Variants in SND1 observed in about 807,000 individuals in gnomAD.
SND1 encodes staphylococcal nuclease and tudor domain containing 1, also known as staphylococcal nuclease domain-containing protein 1.
A neutral mutation model predicts 121.7 loss-of-function variants in SND1; 38 were observed. The ratio of observed to expected loss-of-function variants is 0.31; its 90% CI spans 0.24 to 0.41. The LOEUF (loss-of-function observed/expected upper bound fraction) is 0.41. SND1 is among the 10% of genes least tolerant of loss of function. The pLI is 1.00. For synonymous variants in SND1, 401 were observed against 447.4 expected, an observed-to-expected ratio of 0.90 and a Z score of 1.31; for missense variants, 868 against 1,184.6, an observed-to-expected ratio of 0.73 and a Z score of 3.92.
At chr7:127,684,517 C>T (rs1040588977) in intron 1 of SND1, among the ~76,000 whole-genome samples, 1 of 152,174 alleles carries the variant, frequency 6.6e-6, no homozygotes, top group Non-Finnish European at 1.5e-5. Flanking sequence ...AGTCAGGAAG[C>T]TCTCCTTTTC....
intron 10 of SND1, among the ~76,000 whole-genome samples, chr7:127,802,531 TG>T (rs1385951078): frequency 6.6e-6 from 1 of 152,214 alleles, no homozygotes; most frequent in Non-Finnish European, 1.5e-5. Flanking sequence ...TTTCTTTTCT[TG>T]GTTTCCAGAA....
chr7:127,971,022 C>T (rs764479175), intron 15 of SND1, among the ~76,000 whole-genome samples: 3 of 152,142 alleles, frequency 2.0e-5, no homozygotes, highest in Admixed American at 1.3e-4. Context: ...ATCACCTGAT[C>T]GTCTTTACAG....
intron 11 of SND1, among the ~76,000 whole-genome samples, chr7:127,835,100 A>G (rs1352807837): frequency 6.6e-6 from 1 of 152,060 alleles, no homozygotes; most frequent in Non-Finnish European, 1.5e-5. Flanking sequence ...CAAAATCTTT[A>G]TAGACAGAGC....
At chr7:128,039,037 A>G (rs994271031) in intron 16 of SND1, among the ~76,000 whole-genome samples, 2 of 152,084 alleles carry the variant, frequency 1.3e-5, no homozygotes, top group African/African-American at 4.8e-5. Context: ...CTCTGCCCTC[A>G]GGTTTTATCG....
chr7:127,990,851 G>A (rs941582050), intron 15 of SND1, 96 bp from the exon 16 acceptor site: 13 of 740,570 alleles, frequency 1.8e-5, no homozygotes, highest in African/African-American at 1.2e-4. Flanking sequence ...TAGATGTAAC[G>A]CCTGCTTCAC....
chr7:127,767,126 C>T (rs1797437131), intron 10 of SND1, among the ~76,000 whole-genome samples: 1 of 152,156 alleles, frequency 6.6e-6, no homozygotes, highest in South Asian at 2.1e-4. Context: ...TCCTACTTCT[C>T]ATTTTTGTTC....
chr7:127,697,665 C>A (rs926233509), intron 3 of SND1, among the ~76,000 whole-genome samples: 4 of 152,188 alleles, frequency 2.6e-5, no homozygotes, highest in Non-Finnish European at 5.9e-5. Flanking sequence ...ACCCTCGGAA[C>A]CTGAACCTTC....
At chr7:128,060,639 G>A (rs775765290) in intron 16 of SND1, among the ~76,000 whole-genome samples, 2 of 152,116 alleles carry the variant, frequency 1.3e-5, no homozygotes, top group Non-Finnish European at 2.9e-5. Flanking sequence ...CAACTCCTGA[G>A]AGCACTAAAA....
chr7:127,991,588 A>G (rs1179980891), intron 16 of SND1, among the ~76,000 whole-genome samples: 1 of 152,116 alleles, frequency 6.6e-6, no homozygotes, highest in Non-Finnish European at 1.5e-5. Context: ...GCCTTCATCA[A>G]CAGATCCATC....
chr7:128,053,884 C>T (rs866887481), intron 16 of SND1, among the ~76,000 whole-genome samples: 9 of 152,208 alleles, frequency 5.9e-5, no homozygotes, highest in East Asian at 1.9e-4. Flanking sequence ...GAGCTTTTCC[C>T]CGACCCCAGG....
At position 127,929,174 on chromosome 7, in the gene SND1, C is replaced by G. The variant is rs1374375590; in HGVS notation, c.1528-14C>G. 3.1e-6 allele frequency: 5 copies of G among 1,613,370 alleles called. No homozygotes were observed. The highest frequency in any genetic ancestry group is 4.2e-6 in the Non-Finnish European group (5 of 1,179,638). On this transcript the variant is annotated splice_polypyrimidine_tract_variant and intron_variant, in intron 14 of 23. Coordinates refer to ENST00000354725, the MANE Select transcript of SND1 (RefSeq NM_014390.4). ...ATTACTTTCCAGTTACTCTTTTCCT[C>G]TTTTCTCCATCAGGATACCCAAAAA...
chr7:127,846,876 A>G (rs1799073915), intron 12 of SND1, among the ~76,000 whole-genome samples: 1 of 151,856 alleles, frequency 6.6e-6, no homozygotes, highest in Non-Finnish European at 1.5e-5. Context: ...CTAGCTGCAC[A>G]CTTTCTGTGT....
intron 10 of SND1, among the ~76,000 whole-genome samples, chr7:127,799,663 T>C (rs778476040): frequency 6.6e-6 from 1 of 152,238 alleles, no homozygotes; most frequent in African/African-American, 2.4e-5. Flanking sequence ...TCTATTGTTT[T>C]CCATTTCGTC....
chr7:127,839,143 T>G (rs1374811300), intron 11 of SND1, among the ~76,000 whole-genome samples: 1 of 152,206 alleles, frequency 6.6e-6, no homozygotes, highest in East Asian at 1.9e-4. Context: ...TTTACTTACT[T>G]TTGTTTCTAG....
At chr7:127,858,056 A>T in intron 12 of SND1, 1 of 1,222,402 alleles carries the variant, frequency 8.2e-7, no homozygotes, top group Non-Finnish European at 1.2e-6. Context: ...TCTCCTGGCA[A>T]CTCTGCTTCT....
intron 15 of SND1, among the ~76,000 whole-genome samples, chr7:127,970,797 C>T (rs1801966800): frequency 6.6e-6 from 1 of 152,050 alleles, no homozygotes; most frequent in African/African-American, 2.4e-5. Context: ...GCAATGCCTT[C>T]ACCTCAGCTG....
At chr7:127,769,586 T>C (rs1239782918) in intron 10 of SND1, among the ~76,000 whole-genome samples, 1 of 152,184 alleles carries the variant, frequency 6.6e-6, no homozygotes, top group Non-Finnish European at 1.5e-5. Flanking sequence ...CCATTCCTTG[T>C]CCAGATCTGT....
Position 128,029,290 on chromosome 7 carries a change from A to C in SND1, c.1779+38234A>C. Reference sequence around the variant, plus strand: ...ACTGTTACTGTGGTGAAGAAGCTGTAGTTGGAGGTGTTAAGCTCAGCCGTG... The same window carrying C: ...ACTGTTACTGTGGTGAAGAAGCTGTCGTTGGAGGTGTTAAGCTCAGCCGTG... On this transcript the variant is annotated intron_variant, in intron 16 of 23. Coordinates refer to ENST00000354725, the MANE Select transcript of SND1 (RefSeq NM_014390.4). This position sits in a 1 kb window ranked among gnomAD's most constrained non-coding sequence, Gnocchi z 4.2. 1 of 1,614,172 alleles carries C rather than the reference A, an allele frequency of 6.2e-7. No individual in the cohort carries two copies. The highest frequency in any genetic ancestry group is 8.5e-7 in the Non-Finnish European group (1 of 1,180,032).
At chr7:127,900,297 A>T (rs1375004784) in intron 13 of SND1, among the ~76,000 whole-genome samples, 1 of 152,196 alleles carries the variant, frequency 6.6e-6, no homozygotes, top group East Asian at 1.9e-4. Flanking sequence ...TCACAAAAAT[A>T]TTTGTTCAGA....
Sources: allele counts gnomAD v4.1 joint callset (sites outside exome capture counted in the v4.1 genomes callset), GRCh38; gene constraint gnomAD v4.1.1; non-coding constraint Gnocchi (gnomAD v3.1); transcripts MANE v1.5; gene names NCBI Gene and HGNC (gene_info 2026-07-23, HGNC 2026-07-21).